Variants in RIMS2 observed in about 807,000 individuals in gnomAD.
RIMS2 encodes the protein regulating synaptic membrane exocytosis 2, also known as regulating synaptic membrane exocytosis protein 2.
In RIMS2, 59 loss-of-function variants were observed where a neutral mutation model predicts 174.4. The observed-to-expected ratio is 0.34, with a 90% CI of 0.27 to 0.42. The LOEUF is 0.42. Ranked by LOEUF, RIMS2 falls within the 10% of genes least tolerant of loss-of-function variation. The probability of loss-of-function intolerance (pLI) is 1.00; values close to 1 mark genes in which losing one functional copy is unlikely to be tolerated. For missense variants in RIMS2, 1,620 were observed against 1,666.3 expected (o/e 0.97, Z 0.48); for synonymous variants, 606 against 572.5 (o/e 1.06, Z -0.84).
intron 3 of RIMS2, among the ~76,000 whole-genome samples, chr8:103,877,238 A>G (rs1421803138): frequency 6.6e-6 from 1 of 151,708 alleles, no homozygotes; most frequent in East Asian, 1.9e-4. Flanking sequence ...GATTATGGCC[A>G]TTCTTGCAGG....
rs1435190771 is a variant in RIMS2 at position 103,626,165 on chromosome 8, C to T, written c.177-70921C>T. ...AGTTTAATTTAAATATATATGTTAA[C>T]TGTCATGAGAATGTTTCATTCAGAT... On this transcript the variant is annotated intron_variant, in intron 1 of 23. Transcript: ENST00000504942. Among the ~76,000 whole-genome samples, 5 of 152,054 alleles carry T rather than the reference C, an allele frequency of 3.3e-5. No individual in the cohort carries two copies. In the East Asian group the frequency reaches 9.6e-4, roughly 29 times the overall value.
intron 1 of RIMS2, among the ~76,000 whole-genome samples, chr8:103,552,169 G>A (rs1459675341): frequency 6.6e-5 from 10 of 152,062 alleles, no homozygotes; most frequent in Admixed American, 6.6e-4. Flanking sequence ...AAAAAACAAA[G>A]CTGGAGGCAT....
At chr8:103,987,771 A>G (rs1399323943) in intron 16 of RIMS2, among the ~76,000 whole-genome samples, 1 of 152,242 alleles carries the variant, frequency 6.6e-6, no homozygotes, top group East Asian at 1.9e-4. Context: ...AGTTCTGTCA[A>G]GTAGCTGTCC....
At position 104,108,467 on chromosome 8, in the gene RIMS2, T is replaced by A. The variant is rs553484966; in HGVS notation, c.3334+93852T>A. ...CCACCACACCTGGCTATTTTTTTTT[T>A]AATTTTCATTTCTGTAGAGATGGGA... On this transcript the variant is annotated intron_variant, in intron 19 of 23. Transcript: ENST00000504942. Among the ~76,000 whole-genome samples, 57 of 152,088 alleles carry A rather than the reference T, an allele frequency of 3.7e-4. No individual in the cohort carries two copies. In the South Asian group the frequency reaches 4.4e-3, roughly 12 times the overall value.
intron 3 of RIMS2, among the ~76,000 whole-genome samples, chr8:103,821,796 A>G (rs932583828): frequency 2.0e-5 from 3 of 151,778 alleles, no homozygotes; most frequent in East Asian, 1.9e-4. Flanking sequence ...TTTCCACTTT[A>G]GTATAGACTA....
chr8:104,166,070 T>C (rs2098795359), intron 19 of RIMS2, among the ~76,000 whole-genome samples: 1 of 96,854 alleles, frequency 1.0e-5, no homozygotes, highest in Admixed American at 1.1e-4. Context: ...TTTTTTTTTT[T>C]TTTTTTTTTT....
At chr8:104,085,725 G>A (rs1442691305) in intron 19 of RIMS2, among the ~76,000 whole-genome samples, 1 of 152,166 alleles carries the variant, frequency 6.6e-6, no homozygotes, top group Non-Finnish European at 1.5e-5. Context: ...TTAGAATGGA[G>A]GATACTGGGG....
At chr8:103,524,897 C>G (rs936584979) in intron 1 of RIMS2, among the ~76,000 whole-genome samples, 1 of 152,166 alleles carries the variant, frequency 6.6e-6, no homozygotes, top group Admixed American at 6.5e-5. Flanking sequence ...TGATGCTGCT[C>G]CTGCAGGAAT....
chr8:103,607,985 C>A (rs1481896387), intron 1 of RIMS2, among the ~76,000 whole-genome samples: 1 of 146,788 alleles, frequency 6.8e-6, no homozygotes, highest in South Asian at 2.1e-4. Flanking sequence ...TCGTCTGAAG[C>A]CTTCTTCTCT....
chr8:103,755,476 G>C (rs939749761), intron 2 of RIMS2, among the ~76,000 whole-genome samples: 1 of 152,144 alleles, frequency 6.6e-6, no homozygotes. Context: ...ATATTGGCCT[G>C]CCTTGCTAGG....
At chr8:104,091,327 C>T (rs1349800436) in intron 19 of RIMS2, among the ~76,000 whole-genome samples, 1 of 151,708 alleles carries the variant, frequency 6.6e-6, no homozygotes, top group Non-Finnish European at 1.5e-5. Context: ...ATTACCAAAA[C>T]TGCCTTCATA....
chr8:104,103,424 A>G (rs752330337), intron 19 of RIMS2, among the ~76,000 whole-genome samples: 1 of 152,184 alleles, frequency 6.6e-6, no homozygotes, highest in Admixed American at 6.5e-5. Context: ...TGTCTCCAGA[A>G]AAAAGTGAGG....
intron 14 of RIMS2, among the ~76,000 whole-genome samples, chr8:103,949,144 A>AAAAAGGG (rs1555024083): frequency 3.6e-5 from 5 of 138,510 alleles, no homozygotes; most frequent in African/African-American, 8.0e-5. Context: ...AAAAAAAAAA[A>AAAAAGGG]AAAGGGAAAG....
intron 3 of RIMS2, among the ~76,000 whole-genome samples, chr8:103,794,124 T>G (rs531346988): frequency 5.5e-4 from 83 of 152,064 alleles, no homozygotes; most frequent in Non-Finnish European, 1.0e-3. Context: ...CACATTGCCA[T>G]GACCATCCTA....
At chr8:104,042,676 T>C (rs2096628638) in intron 19 of RIMS2, among the ~76,000 whole-genome samples, 1 of 151,652 alleles carries the variant, frequency 6.6e-6, no homozygotes, top group Admixed American at 6.6e-5. Context: ...AGAATATATG[T>C]TATACAAGTT....
intron 19 of RIMS2, among the ~76,000 whole-genome samples, chr8:104,171,424 T>C (rs905698805): frequency 2.0e-5 from 3 of 152,036 alleles, no homozygotes; most frequent in Non-Finnish European, 4.4e-5. Flanking sequence ...ACTTGTTCTA[T>C]TGCTGAAACT....
chr8:103,500,856 G>T, exon 1 of RIMS2: 2 of 1,498,408 alleles, frequency 1.3e-6, no homozygotes, highest in Non-Finnish European at 1.8e-6. Flanking sequence ...TTGCCTCCCC[G>T]CTTCCCTAGG....
At chr8:103,558,102 T>C (rs905630181) in intron 1 of RIMS2, among the ~76,000 whole-genome samples, 22 of 152,140 alleles carry the variant, frequency 1.4e-4, no homozygotes, top group African/African-American at 5.3e-4. Context: ...AAAATTCCAG[T>C]TTATTTTTGG....
chr8:103,600,188 A>G (rs978428472), intron 1 of RIMS2, among the ~76,000 whole-genome samples: 1 of 152,106 alleles, frequency 6.6e-6, no homozygotes, highest in Non-Finnish European at 1.5e-5. Context: ...AGTTGCATCC[A>G]TGTTGTTGCA....
Sources: allele counts gnomAD v4.1 joint callset (sites outside exome capture counted in the v4.1 genomes callset), GRCh38; gene constraint gnomAD v4.1.1; transcripts MANE v1.5; gene names NCBI Gene and HGNC (gene_info 2026-07-23, HGNC 2026-07-21).